The following RAB3IL1 variants were observed in gnomAD, a reference collection of about 807,000 sequenced individuals.
RAB3IL1 encodes the protein guanine nucleotide exchange factor for Rab-3A.
A neutral mutation model predicts 49.2 loss-of-function variants in RAB3IL1; 37 were observed. That is an observed-to-expected ratio of 0.75 (90% CI 0.58 to 0.99). The LOEUF (loss-of-function observed/expected upper bound fraction) is 0.99. Ranked by LOEUF, RAB3IL1 falls within the 50% of genes least tolerant of loss-of-function variation. The pLI is 0.00. For missense variants in RAB3IL1, 484 were observed against 513.0 expected, an observed-to-expected ratio of 0.94 and a Z score of 0.55; for synonymous variants, 193 against 213.9, an observed-to-expected ratio of 0.90 and a Z score of 0.85.
chr11:61,901,984 T>C (rs1938939598), intron 8 of RAB3IL1, among the ~76,000 whole-genome samples: 1 of 152,208 alleles, frequency 6.6e-6, no homozygotes, highest in Non-Finnish European at 1.5e-5. Context: ...CCCGAGTCAG[T>C]CTCTGCGCCT....
In RAB3IL1 at chr11:61,899,352, T is replaced by C. The variant is rs1938783331; in HGVS notation, c.1028A>G (p.Tyr343Cys). ...CAGGCCTTGCTGGATGTAGCGGATGTAGGTGAAGAAGTTGCACACTGCGGT... is the reference window on the plus strand; with the variant it reads ...CAGGCCTTGCTGGATGTAGCGGATGCAGGTGAAGAAGTTGCACACTGCGGT... ...RITAVCNFFT[Y>C]IRYIQQGLVR... The change falls in exon 9 of 10, where the codon TAC (tyrosine) becomes TGC (cysteine). Residue 343 changes from tyrosine (Y) to cysteine (C), a missense_variant. Transcript: ENST00000394836. 2 of 1,609,256 alleles carry C rather than the reference T, an allele frequency of 1.2e-6. No homozygotes were observed. Among genetic ancestry groups the C allele is most frequent in the Non-Finnish European group, 1.7e-6 (2 of 1,179,806 alleles).
At chr11:61,904,960 G>C in intron 5 of RAB3IL1, 78 bp from the exon 6 acceptor site, 1 of 1,106,378 alleles carries the variant, frequency 9.0e-7, no homozygotes, top group Non-Finnish European at 1.3e-6. Flanking sequence ...GAGCTGAAGG[G>C]GAGCGAGGGA....
the RAB3IL1 span, among the ~76,000 whole-genome samples, chr11:61,930,557 T>G: frequency 6.6e-6 from 1 of 152,124 alleles, no homozygotes; most frequent in Non-Finnish European, 1.5e-5. Flanking sequence ...GAAGGGAGGA[T>G]CACTTGAGCT....
chr11:61,902,460 C>G lies in RAB3IL1; in HGVS notation c.981G>C (p.Ser327=), dbSNP rs376882014. Residue 327 remains serine (S), a synonymous_variant, in exon 8 of 10, where the codon TCG becomes TCC. Transcript: ENST00000394836. ...GACTCACCCTGGCCCGGGAAGATGG[C>G]GAGATGTAGTAATGGCTTTTGGAGT... ...LGDSKSHYYI[S]PSSRARITAV... The G allele has an allele frequency of 1.3e-6, 2 of 1,596,706 alleles. No individual in the cohort carries two copies. The highest frequency in any genetic ancestry group is 1.6e-4 in the Middle Eastern group (1 of 6,066).
chr11:61,921,515 C>G (rs1041966648), upstream of RAB3IL1, among the ~76,000 whole-genome samples: 2 of 152,188 alleles, frequency 1.3e-5, no homozygotes, highest in Non-Finnish European at 2.9e-5. Flanking sequence ...ATACCCCCTC[C>G]TCTAGGAAGC....
chr11:61,940,900 A>G, the RAB3IL1 span, among the ~76,000 whole-genome samples: 1 of 151,806 alleles, frequency 6.6e-6, no homozygotes, highest in South Asian at 2.1e-4. Flanking sequence ...AGCCTGGGCA[A>G]CAGAGCAAGA....
At chr11:61,914,095 C>T (rs1008210237) in intron 1 of RAB3IL1, among the ~76,000 whole-genome samples, 3 of 152,224 alleles carry the variant, frequency 2.0e-5, no homozygotes, top group Admixed American at 2.0e-4. Flanking sequence ...TCGGGCCATA[C>T]TTCAGACTCT....
intron 8 of RAB3IL1, 39 bp from the exon 9 acceptor site, chr11:61,899,419 C>T: frequency 6.3e-7 from 1 of 1,586,782 alleles, no homozygotes; most frequent in Middle Eastern, 1.7e-4. Context: ...CTGCCAGCCC[C>T]ACGCTGGGGG....
At chr11:61,941,801 A>C in the RAB3IL1 span, among the ~76,000 whole-genome samples, 9 of 152,154 alleles carry the variant, frequency 5.9e-5, no homozygotes, top group African/African-American at 2.2e-4. Context: ...ATATAGATGC[A>C]AATATCCTCA....
chr11:61,918,660 T>C (rs1939812132), upstream of RAB3IL1, among the ~76,000 whole-genome samples: 1 of 152,214 alleles, frequency 6.6e-6, no homozygotes, highest in South Asian at 2.1e-4. Flanking sequence ...ACGTATTCTC[T>C]AAGACCTCCA....
At chr11:61,914,245 C>T (rs1265028192) in intron 1 of RAB3IL1, among the ~76,000 whole-genome samples, 9 of 152,226 alleles carry the variant, frequency 5.9e-5, no homozygotes, top group Non-Finnish European at 7.3e-5. Context: ...CCCTACAGCC[C>T]TGCCTGCCGC....
rs1222103039 is a variant in RAB3IL1, at chr11:61,898,749, C to T, written c.1067-389G>A. The T allele has an allele frequency of 4.2e-6, 2 of 477,838 alleles. No homozygotes were observed. Among genetic ancestry groups the T allele is most frequent in the South Asian group, 1.5e-5 (1 of 64,728 alleles). 29.6% of individuals were successfully genotyped at this position (477,838 alleles called of 1,614,324 possible). A position where few individuals can be genotyped will look rare whatever the true frequency, so the allele number is the denominator to read the frequency against. Reference sequence around the variant, plus strand: ...GTGAGGCGGGGACCACAGCGGCCATCCAGGGACCTAGCAGGTGTCAACACC... The same window carrying T: ...GTGAGGCGGGGACCACAGCGGCCATTCAGGGACCTAGCAGGTGTCAACACC... On this transcript the variant is annotated intron_variant, in intron 9 of 9. Coordinates refer to ENST00000394836, the MANE Select transcript of RAB3IL1 (RefSeq NM_013401.4). The surrounding 1 kb of genome is among the most constrained non-coding windows in gnomAD (Gnocchi z 5.1).
At chr11:61,925,597 T>C in the RAB3IL1 span, among the ~76,000 whole-genome samples, 1 of 151,132 alleles carries the variant, frequency 6.6e-6, no homozygotes, top group East Asian at 1.9e-4. Context: ...ATCACACCAC[T>C]GCACTCTAGC....
the RAB3IL1 span, among the ~76,000 whole-genome samples, chr11:61,935,419 CAA>C: frequency 2.7e-4 from 26 of 96,938 alleles, no homozygotes; most frequent in Admixed American, 4.2e-4. Context: ...GACTGTGTCT[CAA>C]AAAAAAAAAA....
At position 61,906,794 on chromosome 11, in the gene RAB3IL1, T is replaced by C. The variant is rs754290484; in HGVS notation, c.439-110A>G. The stretch of plus-strand genomic sequence containing the variant: ...ATGCACCCCTGCAGTGACAGGCACT[T>C]AGTCCCACCCGACGCCCTCAGAACA... On this transcript the variant is annotated intron_variant, in intron 4 of 9. Transcript: ENST00000394836. The surrounding 1 kb of genome is among the most constrained non-coding windows in gnomAD (Gnocchi z 4.6). 31 of 1,029,900 alleles carry C rather than the reference T, an allele frequency of 3.0e-5. No homozygotes were observed. Among genetic ancestry groups the C allele is most frequent in the Middle Eastern group, 4.9e-4 (2 of 4,092 alleles). The allele number at this position is 1,029,900 out of a possible 1,614,324, so 63.8% of individuals were successfully genotyped here. A position where few individuals can be genotyped will look rare whatever the true frequency, so the allele number is the denominator to read the frequency against.
upstream of RAB3IL1, among the ~76,000 whole-genome samples, chr11:61,921,382 C>T (rs1349967202): frequency 6.6e-6 from 1 of 152,178 alleles, no homozygotes; most frequent in Non-Finnish European, 1.5e-5. Context: ...TCTCACCCTC[C>T]AAAGCACACC....
Position 61,907,663 on chromosome 11 carries a change from G to A in RAB3IL1, c.265-3C>T. The stretch of plus-strand genomic sequence containing the variant: ...TCCTCGTCCTTTAGCTTCAGCTCCT[G>A]GAGGAAAAGAGGCAGGCACTTGAGC... On this transcript the variant is annotated splice_region_variant and splice_polypyrimidine_tract_variant and intron_variant, in intron 2 of 9. Transcript: ENST00000394836. 2 of 1,613,768 alleles carry A rather than the reference G, an allele frequency of 1.2e-6. No individual in the cohort carries two copies. The highest frequency in any genetic ancestry group is 1.1e-5 in the South Asian group (1 of 91,020).
At chr11:61,934,446 G>GTGTGTGTGTATGTATATATA in the RAB3IL1 span, among the ~76,000 whole-genome samples, 1 of 24,404 alleles carries the variant, frequency 4.1e-5, no homozygotes, top group African/African-American at 8.1e-5. Context: ...GTGTGTGTGT[G>GTGTGTGTGTATGTATATATA]TATGTATATA....
In RAB3IL1 at chr11:61,898,173, T is replaced by C. The variant is rs1045405313; in HGVS notation, c.*105A>G. On this transcript the variant is annotated 3_prime_UTR_variant, in exon 10 of 10. Transcript: ENST00000394836. This position sits in a 1 kb window ranked among gnomAD's most constrained non-coding sequence, Gnocchi z 5.1. ...GGCCTGTCTGTCCATCCATTCTGCC[T>C]CTGGCTCAGGGCTGGCTCCAGGCCC... 4 of 1,054,932 alleles carry C rather than the reference T, an allele frequency of 3.8e-6. No individual in the cohort carries two copies. Among genetic ancestry groups the C allele is most frequent in the Non-Finnish European group, 5.7e-6 (4 of 704,464 alleles). 65.3% of individuals were successfully genotyped at this position (1,054,932 alleles called of 1,614,324 possible). A position where few individuals can be genotyped will look rare whatever the true frequency, so the allele number is the denominator to read the frequency against.
Sources: gnomAD v4.1 joint callset for allele counts (sites outside exome capture counted in the v4.1 genomes callset) on GRCh38, gnomAD v4.1.1 for gene constraint, Gnocchi (gnomAD v3.1) non-coding constraint, MANE v1.5 for transcripts, NCBI Gene and HGNC (gene_info 2026-07-23, HGNC 2026-07-21) for gene names.